ADAMTS6: variants seen among roughly 807,000 people sequenced by gnomAD.
The protein encoded by ADAMTS6 is ADAM metallopeptidase with thrombospondin type 1 motif 6.
ADAMTS6 carries 23 observed loss-of-function variants against 144.3 expected under a neutral mutation model. That is an observed-to-expected ratio of 0.16 (90% CI 0.11 to 0.23). The LOEUF is 0.23. Ranked by LOEUF, ADAMTS6 falls within the 10% of genes least tolerant of loss-of-function variation. ADAMTS6 has a pLI of 1.00. For synonymous variants in ADAMTS6, 444 were observed against 457.5 expected, an observed-to-expected ratio of 0.97 and a Z score of 0.38; for missense variants, 999 against 1,379.6, an observed-to-expected ratio of 0.72 and a Z score of 4.37.
rs570160650 is a variant in ADAMTS6 at position 65,398,802 on chromosome 5, A to G, written c.1073+52673T>C. ...AGAGCAAGAAAGAAAGAAAGAAAGA[A>G]AGAAAGAAAGAAAGAAAGAAAGAAA... On this transcript the variant is annotated intron_variant, in intron 7 of 24. Transcript: ENST00000381055. Among the ~76,000 whole-genome samples the G allele has an allele frequency of 6.3e-4, 73 of 116,030 alleles. 1 individual carries two copies. The highest frequency in any genetic ancestry group is 2.6e-3 in the African/African-American group (70 of 26,894). The allele number at this position is 116,030 out of a possible 152,430, so 76.1% of individuals were successfully genotyped here.
chr5:65,158,074 G>T (rs1225460658), intron 24 of ADAMTS6, among the ~76,000 whole-genome samples: 1 of 152,106 alleles, frequency 6.6e-6, no homozygotes, highest in Admixed American at 6.5e-5. Context: ...CAAATCCAGG[G>T]TTCCCTCCAG....
intron 4 of ADAMTS6, among the ~76,000 whole-genome samples, chr5:65,458,572 C>T (rs557736655): frequency 2.0e-5 from 3 of 152,082 alleles, no homozygotes; most frequent in Admixed American, 6.5e-5. Context: ...CCAACACACC[C>T]GGCTTATTTT....
intron 14 of ADAMTS6, among the ~76,000 whole-genome samples, chr5:65,252,713 C>A (rs1053141464): frequency 6.6e-6 from 1 of 151,744 alleles, no homozygotes; most frequent in African/African-American, 2.4e-5. Context: ...ACCATGAGAA[C>A]CATGCAGTAA....
intron 7 of ADAMTS6, among the ~76,000 whole-genome samples, chr5:65,443,181 T>C (rs1026238017): frequency 2.0e-4 from 30 of 152,204 alleles, no homozygotes; most frequent in African/African-American, 7.2e-4. Flanking sequence ...TTATATTCCT[T>C]TGGGTATATA....
chr5:65,314,572 T>C (rs1310820437), intron 9 of ADAMTS6, among the ~76,000 whole-genome samples: 1 of 151,976 alleles, frequency 6.6e-6, no homozygotes, highest in Non-Finnish European at 1.5e-5. Flanking sequence ...AATAGGTAAA[T>C]ACCAAAAAAT....
At chr5:65,195,870 C>A (rs1755311317) in intron 21 of ADAMTS6, among the ~76,000 whole-genome samples, 1 of 152,212 alleles carries the variant, frequency 6.6e-6, no homozygotes, top group African/African-American at 2.4e-5. Flanking sequence ...CACATGTTTT[C>A]TCTTGCAGTT....
chr5:65,320,621 A>G (rs114373638), intron 9 of ADAMTS6, among the ~76,000 whole-genome samples: 7,376 of 151,322 alleles, frequency 0.049, 615 homozygotes, highest in African/African-American at 0.17. Context: ...AATTTGTGTC[A>G]TGGGGGTCTG....
intron 24 of ADAMTS6, among the ~76,000 whole-genome samples, chr5:65,161,594 A>T (rs1752786008): frequency 6.6e-6 from 1 of 152,094 alleles, no homozygotes; most frequent in African/African-American, 2.4e-5. Flanking sequence ...CCTTTCTTAA[A>T]TTTTTTTGAA....
intron 9 of ADAMTS6, among the ~76,000 whole-genome samples, chr5:65,325,540 A>C (rs1238948967): frequency 6.7e-6 from 1 of 148,572 alleles, no homozygotes; most frequent in African/African-American, 2.5e-5. Flanking sequence ...CCCAGAATGG[A>C]GTGCGGTGGC....
At chr5:65,321,211 G>A (rs1330297577) in intron 9 of ADAMTS6, among the ~76,000 whole-genome samples, 5 of 152,056 alleles carry the variant, frequency 3.3e-5, no homozygotes, top group Non-Finnish European at 7.4e-5. Context: ...CACCAGCATC[G>A]GTTAATTTTG....
chr5:65,226,266 T>C lies in ADAMTS6; in HGVS notation c.1934-47A>G, dbSNP rs555414363. ...GAAATAAGTGGAGTGGTTGTCCTAA[T>C]GAACAGTGATTCAGTATTATCTATG... On this transcript the variant is annotated intron_variant, in intron 15 of 24. Transcript: ENST00000381055. 3.8e-6 allele frequency: 6 copies of C among 1,593,912 alleles called. No individual in the cohort carries two copies. The South Asian group carries it at 4.5e-5, about 12-fold the overall frequency.
rs540690021 is a variant in ADAMTS6, at chr5:65,301,065, C to T, written c.1224-934G>A. 3.9e-4 allele frequency among the ~76,000 whole-genome samples: 59 copies of T among 151,774 alleles called. 1 individual carries two copies. The highest frequency in any genetic ancestry group is 1.4e-3 in the African/African-American group (58 of 41,342). The stretch of plus-strand genomic sequence containing the variant: ...TAAGGATTTTGGTTTTTATCGTAGC[C>T]TCCTTCATTTTTAAAATATTTTGTT... On this transcript the variant is annotated intron_variant, in intron 9 of 24. Coordinates refer to ENST00000381055, the MANE Select transcript of ADAMTS6 (RefSeq NM_197941.4).
chr5:65,277,146 T>A (rs112143187), intron 11 of ADAMTS6, among the ~76,000 whole-genome samples: 4,833 of 152,224 alleles, frequency 0.032, 262 homozygotes, highest in African/African-American at 0.11. Flanking sequence ...TGAATTGGAA[T>A]CTCTAATGTT....
At chr5:65,278,692 C>A (rs1226910238) in intron 11 of ADAMTS6, among the ~76,000 whole-genome samples, 1 of 152,174 alleles carries the variant, frequency 6.6e-6, no homozygotes, top group Admixed American at 6.5e-5. Context: ...TTACCACTAT[C>A]TTCTGAATCC....
At chr5:65,179,873 T>G (rs1321765425) in intron 22 of ADAMTS6, among the ~76,000 whole-genome samples, 3 of 152,356 alleles carry the variant, frequency 2.0e-5, no homozygotes, top group East Asian at 1.9e-4. Context: ...TCATCTCTAT[T>G]AGATTATAAG....
rs1482277929 is a variant in ADAMTS6 at position 65,473,885 on chromosome 5, T to A, written c.-212A>T. 1.9e-6 allele frequency: 1 copy of A among 531,408 alleles called. No homozygotes were observed. Among genetic ancestry groups the A allele is most frequent in the Non-Finnish European group, 3.3e-6 (1 of 298,796 alleles). 32.9% of individuals were successfully genotyped at this position (531,408 alleles called of 1,614,324 possible). A position where few individuals can be genotyped will look rare whatever the true frequency, so the allele number is the denominator to read the frequency against. ...TCTCAATCCAAAATGAAAAAAATAA[T>A]GATGGTAAAAGTTTTCATAAGCAAA... On this transcript the variant is annotated 5_prime_UTR_variant, in exon 2 of 25. Coordinates refer to ENST00000381055, the MANE Select transcript of ADAMTS6 (RefSeq NM_197941.4).
At chr5:65,334,198 A>T in intron 7 of ADAMTS6, 113 bp from the exon 8 acceptor site, 1 of 1,197,072 alleles carries the variant, frequency 8.4e-7, no homozygotes, top group Non-Finnish European at 1.2e-6. Context: ...TGCAATTATG[A>T]GCAATCAACT....
At chr5:65,453,634 G>A (rs1758935863) in intron 4 of ADAMTS6, among the ~76,000 whole-genome samples, 1 of 152,094 alleles carries the variant, frequency 6.6e-6, no homozygotes, top group African/African-American at 2.4e-5. Flanking sequence ...CTAGACATTT[G>A]GTTCTTCAGT....
At chr5:65,207,990 T>C (rs1423559595) in intron 20 of ADAMTS6, among the ~76,000 whole-genome samples, 1 of 152,216 alleles carries the variant, frequency 6.6e-6, no homozygotes, top group Non-Finnish European at 1.5e-5. Context: ...TGTAAATATA[T>C]AGGCATGCCC....
Sources: gnomAD v4.1 joint callset for allele counts (sites outside exome capture counted in the v4.1 genomes callset) on GRCh38, gnomAD v4.1.1 for gene constraint, MANE v1.5 for transcripts, NCBI Gene and HGNC (gene_info 2026-07-23, HGNC 2026-07-21) for gene names.